The following KCNQ5 variants were observed in gnomAD, a reference collection of about 807,000 sequenced individuals.
The protein encoded by KCNQ5 is potassium voltage-gated channel subfamily KQT member 5.
In KCNQ5, 30 loss-of-function variants were observed where a neutral mutation model predicts 98.2. That is an observed-to-expected ratio of 0.31 (90% CI 0.23 to 0.41). The LOEUF is 0.41. Ranked by LOEUF, KCNQ5 falls within the 10% of genes least tolerant of loss-of-function variation. The pLI is 1.00. For missense variants in KCNQ5, 835 were observed against 1,182.5 expected, an observed-to-expected ratio of 0.71 and a Z score of 4.31; for synonymous variants, 458 against 449.4, an observed-to-expected ratio of 1.02 and a Z score of -0.24.
chr6:72,694,799 G>T (rs77705916), intron 1 of KCNQ5, among the ~76,000 whole-genome samples: 1,565 of 152,192 alleles, frequency 0.01, 28 homozygotes, highest in African/African-American at 0.035. Context: ...TGAAGTTTGG[G>T]ATGCAAATAA....
chr6:72,810,660 C>T (rs570221080), intron 1 of KCNQ5, among the ~76,000 whole-genome samples: 23 of 152,048 alleles, frequency 1.5e-4, no homozygotes, highest in African/African-American at 5.3e-4. Context: ...ATTATGACTG[C>T]GAGTAAGAGG....
chr6:73,086,516 G>A (rs539692959), intron 5 of KCNQ5, among the ~76,000 whole-genome samples: 50 of 152,152 alleles, frequency 3.3e-4, no homozygotes, highest in African/African-American at 1.1e-3. Context: ...GTACATCCTG[G>A]AAAGCCTCCC....
rs1213433272 is a variant in KCNQ5 at position 73,124,468 on chromosome 6, G to T, written c.1221-18G>T. 2 of 1,612,582 alleles carry T rather than the reference G, an allele frequency of 1.2e-6. No homozygotes were observed. The highest frequency in any genetic ancestry group is 1.3e-5 in the African/African-American group (1 of 74,816). On this transcript the variant is annotated intron_variant, in intron 8 of 13. Transcript: ENST00000370398. The stretch of plus-strand genomic sequence containing the variant: ...ACTGGTTTATCATCATTTCTCTTCT[G>T]CCTGCACGCACCTGAAGGAAAGAAC...
chr6:72,765,289 G>A (rs968684683), intron 1 of KCNQ5, among the ~76,000 whole-genome samples: 3 of 151,906 alleles, frequency 2.0e-5, no homozygotes. Context: ...ATGATCCCTT[G>A]AGTTTATATT....
chr6:72,824,447 A>G (rs981831968), intron 1 of KCNQ5, among the ~76,000 whole-genome samples: 2 of 152,136 alleles, frequency 1.3e-5, no homozygotes, highest in African/African-American at 4.8e-5. Context: ...GATGCTCATC[A>G]GTTTTCTCAT....
chr6:73,108,565 G>A (rs985043122), intron 6 of KCNQ5, among the ~76,000 whole-genome samples: 5 of 152,160 alleles, frequency 3.3e-5, no homozygotes, highest in Admixed American at 1.3e-4. Context: ...GGTGATTCAC[G>A]CCTGTAATCC....
chr6:72,807,633 T>G lies in KCNQ5; in HGVS notation c.398+185046T>G, dbSNP rs548100723. The stretch of plus-strand genomic sequence containing the variant: ...CAAGGGATCCTTTGCCTCAGCCTCC[T>G]AAGTAACTAGGACTAAAGGCATGCA... On this transcript the variant is annotated intron_variant, in intron 1 of 13. Transcript: ENST00000370398. 1.1e-4 allele frequency among the ~76,000 whole-genome samples: 17 copies of G among 152,186 alleles called. 1 individual carries two copies. The highest frequency in any genetic ancestry group is 3.6e-4 in the African/African-American group (15 of 41,542).
chr6:73,085,456 AC>A (rs1773947560), intron 5 of KCNQ5, among the ~76,000 whole-genome samples: 1 of 152,194 alleles, frequency 6.6e-6, no homozygotes, highest in African/African-American at 2.4e-5. Context: ...CTTTGCTTTA[AC>A]CAGGAAACAT....
At chr6:73,078,573 G>A (rs1773632357) in intron 5 of KCNQ5, among the ~76,000 whole-genome samples, 1 of 152,134 alleles carries the variant, frequency 6.6e-6, no homozygotes, top group Non-Finnish European at 1.5e-5. Context: ...ACTATCCAAA[G>A]GACAGAAACA....
chr6:73,188,813 T>A (rs898253920), intron 11 of KCNQ5, among the ~76,000 whole-genome samples: 1 of 151,884 alleles, frequency 6.6e-6, no homozygotes, highest in African/African-American at 2.4e-5. Context: ...TGAAACCCCA[T>A]CTCTACTAAA....
chr6:73,050,549 A>G (rs2150365167), intron 3 of KCNQ5, among the ~76,000 whole-genome samples: 1 of 152,314 alleles, frequency 6.6e-6, no homozygotes, highest in African/African-American at 2.4e-5. Flanking sequence ...ATATGAATAC[A>G]TACTATTAGC....
At chr6:72,638,904 AAGGGAGGACTGG>A (rs1359866220) in intron 1 of KCNQ5, among the ~76,000 whole-genome samples, 1 of 152,180 alleles carries the variant, frequency 6.6e-6, no homozygotes, top group East Asian at 1.9e-4. Flanking sequence ...AGAAAATTCA[AAGGGAGGACTGG>A]AGTTCTTAGC....
chr6:73,063,705 T>C (rs1210678623), intron 3 of KCNQ5, among the ~76,000 whole-genome samples: 2 of 124,198 alleles, frequency 1.6e-5, no homozygotes, highest in Non-Finnish European at 3.5e-5. Flanking sequence ...GATAGATAGA[T>C]AGATAGATAG....
At chr6:73,133,988 T>C in intron 10 of KCNQ5, 1 of 482,436 alleles carries the variant, frequency 2.1e-6, no homozygotes, top group Non-Finnish European at 4.3e-6. Context: ...CCAGCAAAGG[T>C]CCAAGACCCA....
Position 72,771,613 on chromosome 6 carries a change from A to T in KCNQ5, c.398+149026A>T, listed in dbSNP as rs532486957. ...CAATAAAGGGTAACTATGTGAGATG[A>T]TGGATATGTTAAGACATTTGAATAT... On this transcript the variant is annotated intron_variant, in intron 1 of 13. Coordinates refer to ENST00000370398, the MANE Select transcript of KCNQ5 (RefSeq NM_019842.4). Among the ~76,000 whole-genome samples, 9 of 151,302 alleles carry T rather than the reference A, an allele frequency of 5.9e-5. No homozygotes were observed. In the East Asian group the frequency reaches 1.8e-3, roughly 30 times the overall value.
intron 1 of KCNQ5, among the ~76,000 whole-genome samples, chr6:72,847,056 C>A (rs1435262894): frequency 6.6e-6 from 1 of 152,080 alleles, no homozygotes. Context: ...TGGATAGTTA[C>A]TGATGCTTTT....
intron 1 of KCNQ5, among the ~76,000 whole-genome samples, chr6:72,790,922 TTTTG>T (rs1215567907): frequency 1.7e-4 from 26 of 152,332 alleles, no homozygotes; most frequent in Non-Finnish European, 2.8e-4. Context: ...TTTTGTTTTG[TTTTG>T]TTTGTTTTTA....
At chr6:72,753,904 T>A (rs879397858) in intron 1 of KCNQ5, among the ~76,000 whole-genome samples, 2 of 152,170 alleles carry the variant, frequency 1.3e-5, no homozygotes, top group Non-Finnish European at 2.9e-5. Context: ...TTTGTTAGTA[T>A]GTAGTACTTT....
rs571106223 is a variant in KCNQ5 at position 72,633,741 on chromosome 6, C to T, written c.398+11154C>T. ...ATTCAGAAATAAAGTGGCACACTTACGATCTGATCTTCAATAAGGCCAACA... is the reference window on the plus strand; with the variant it reads ...ATTCAGAAATAAAGTGGCACACTTATGATCTGATCTTCAATAAGGCCAACA... On this transcript the variant is annotated intron_variant, in intron 1 of 13. Coordinates refer to ENST00000370398, the MANE Select transcript of KCNQ5 (RefSeq NM_019842.4). 3.9e-5 allele frequency among the ~76,000 whole-genome samples: 6 copies of T among 152,244 alleles called. No individual in the cohort carries two copies. In the East Asian group the frequency reaches 5.8e-4, roughly 15 times the overall value.
Sources: allele counts gnomAD v4.1 joint callset (sites outside exome capture counted in the v4.1 genomes callset), GRCh38; gene constraint gnomAD v4.1.1; transcripts MANE v1.5; gene names NCBI Gene and HGNC (gene_info 2026-07-23, HGNC 2026-07-21).